The following KCNMB4 variants were observed in gnomAD, a reference collection of about 807,000 sequenced individuals.
KCNMB4 encodes the protein potassium calcium-activated channel subfamily M regulatory beta subunit 4.
In KCNMB4, 3 loss-of-function variants were observed where a neutral mutation model predicts 20.7. The observed-to-expected ratio is 0.14, with a 90% CI of 0.07 to 0.37. The LOEUF is 0.37. KCNMB4 is among the 10% of genes least tolerant of loss of function. The pLI is 1.00. For synonymous variants in KCNMB4, 110 were observed against 113.4 expected (o/e 0.97, Z 0.19); for missense variants, 168 against 265.9 (o/e 0.63, Z 2.56).
At chr12:70,414,580 A>G (rs1035794289) in intron 2 of KCNMB4, among the ~76,000 whole-genome samples, 1 of 152,208 alleles carries the variant, frequency 6.6e-6, no homozygotes, top group African/African-American at 2.4e-5. Context: ...TGGCCAGTGC[A>G]GAGGAAGGCA....
Position 70,368,589 on chromosome 12 carries a change from ATT to A in KCNMB4, c.336+1529_336+1530del, listed in dbSNP as rs559519861. ...AAAGAAATCTCAGGGTTTTAGAAAC[ATT>A]TTTTTTTTTAGAATTAAATCAATAA... On this transcript the variant is annotated intron_variant, in intron 1 of 2. Coordinates refer to ENST00000258111, the MANE Select transcript of KCNMB4 (RefSeq NM_014505.6). 2.0e-5 allele frequency among the ~76,000 whole-genome samples: 3 copies of A among 147,742 alleles called. No homozygotes were observed. The Admixed American group carries it at 2.0e-4, about 10-fold the overall frequency.
At chr12:70,402,416 G>T (rs1299559264) in intron 2 of KCNMB4, among the ~76,000 whole-genome samples, 1 of 152,088 alleles carries the variant, frequency 6.6e-6, no homozygotes, top group Non-Finnish European at 1.5e-5. Flanking sequence ...ACTGAGGCGG[G>T]AGGATCACTT....
intron 1 of KCNMB4, among the ~76,000 whole-genome samples, chr12:70,395,506 T>C (rs964562458): frequency 6.6e-6 from 1 of 152,180 alleles, no homozygotes; most frequent in African/African-American, 2.4e-5. Context: ...ATAAATCCCA[T>C]TGTGGTTGGC....
rs569362268 is a variant in KCNMB4, at chr12:70,415,288, T to A, written c.464+14952T>A. Among the ~76,000 whole-genome samples the A allele has an allele frequency of 2.0e-5, 3 of 152,302 alleles. No individual in the cohort carries two copies. The East Asian group carries it at 5.8e-4, about 29-fold the overall frequency. Reference sequence around the variant, plus strand: ...GTTCCAGAAGCCTCTTCTGTAAAACTTGGACAATATGGTCTACCTCCACAC... The same window carrying A: ...GTTCCAGAAGCCTCTTCTGTAAAACATGGACAATATGGTCTACCTCCACAC... On this transcript the variant is annotated intron_variant, in intron 2 of 2. Transcript: ENST00000258111.
At chr12:70,394,492 G>A (rs1654964) in intron 1 of KCNMB4, among the ~76,000 whole-genome samples, 86,602 of 152,050 alleles carry the variant, frequency 0.57, 26,003 homozygotes, top group African/African-American at 0.77. Context: ...GCTTTCAGAT[G>A]TGGATAAACA....
intron 1 of KCNMB4, among the ~76,000 whole-genome samples, chr12:70,376,616 C>T (rs1432607224): frequency 6.6e-6 from 1 of 151,768 alleles, no homozygotes; most frequent in African/African-American, 2.4e-5. Context: ...GCCTGTAATC[C>T]CAGCACTTTG....
intron 1 of KCNMB4, among the ~76,000 whole-genome samples, chr12:70,395,686 T>G (rs1003532753): frequency 6.6e-6 from 1 of 152,216 alleles, no homozygotes; most frequent in African/African-American, 2.4e-5. Context: ...GCCCACTCGG[T>G]TCCATGAACT....
intron 2 of KCNMB4, among the ~76,000 whole-genome samples, chr12:70,430,051 T>TA (rs1555213979): frequency 2.3e-4 from 34 of 150,678 alleles, no homozygotes; most frequent in African/African-American, 7.1e-4. Flanking sequence ...TTTTTTTTTT[T>TA]ATCTGAATTA....
chr12:70,385,360 C>T (rs949748674), intron 1 of KCNMB4, among the ~76,000 whole-genome samples: 7 of 152,178 alleles, frequency 4.6e-5, no homozygotes. Flanking sequence ...TCTACCTCCT[C>T]AATCTGTTGA....
Position 70,432,709 on chromosome 12 carries a change from T to A in KCNMB4, c.*2056T>A, listed in dbSNP as rs1166374875. On this transcript the variant is annotated 3_prime_UTR_variant, in exon 3 of 3. Transcript: ENST00000258111. ...CCAGTTTCCGGTTGCAGCATCCTTGTTGTCTTAGCAACACAGTGAACTATT... is the reference window on the plus strand; with the variant it reads ...CCAGTTTCCGGTTGCAGCATCCTTGATGTCTTAGCAACACAGTGAACTATT... 6.6e-6 allele frequency: 1 copy of A among 152,234 alleles called. No individual in the cohort carries two copies. The highest frequency in any genetic ancestry group is 2.4e-5 in the African/African-American group (1 of 41,466). 9.4% of individuals were successfully genotyped at this position (152,234 alleles called of 1,614,324 possible).
chr12:70,430,569 G>A lies in KCNMB4; in HGVS notation c.549G>A (p.Val183=), dbSNP rs773451756. The A allele has an allele frequency of 2.5e-6, 4 of 1,613,950 alleles. No individual in the cohort carries two copies. The highest frequency in any genetic ancestry group is 1.3e-5 in the African/African-American group (1 of 75,038). Residue 183 remains valine (V), a synonymous_variant, in exon 3 of 3, where the codon GTG becomes GTA. Coordinates refer to ENST00000258111, the MANE Select transcript of KCNMB4 (RefSeq NM_014505.6). ...TCTGGCCCCTGGTGACATTTGTGGT[G>A]GGCGTTCTCATTGTGGTCCTGACCA... The part of the protein sequence containing the change: ...CFLWPLVTFV[V]GVLIVVLTIC...
At chr12:70,420,816 T>C (rs915723634) in intron 2 of KCNMB4, among the ~76,000 whole-genome samples, 2 of 152,172 alleles carry the variant, frequency 1.3e-5, no homozygotes, top group East Asian at 3.9e-4. Flanking sequence ...CCCAGCACTT[T>C]GGGAGGCCGA....
intron 2 of KCNMB4, among the ~76,000 whole-genome samples, chr12:70,405,834 G>A (rs550395128): frequency 3.2e-4 from 49 of 152,246 alleles, no homozygotes; most frequent in Non-Finnish European, 5.9e-4. Context: ...AGGCTGAGGC[G>A]GGAGGATTGC....
In KCNMB4 at chr12:70,430,038, C is replaced by CTTT. The variant is rs66539156; in HGVS notation, c.465-436_465-434dup. Among the ~76,000 whole-genome samples, 153 of 147,124 alleles carry CTTT rather than the reference C, an allele frequency of 1.0e-3. 1 individual carries two copies. The highest frequency in any genetic ancestry group is 3.6e-3 in the African/African-American group (146 of 40,166). The stretch of plus-strand genomic sequence containing the variant: ...AATTCAAGCAGTGGCTTTAACTGAC[C>CTTT]TTTTTTTTTTTTTATCTGAATTAAG... On this transcript the variant is annotated intron_variant, in intron 2 of 2. Transcript: ENST00000258111.
chr12:70,399,225 C>T (rs1240573388), intron 1 of KCNMB4, among the ~76,000 whole-genome samples: 1 of 152,158 alleles, frequency 6.6e-6, no homozygotes, highest in Non-Finnish European at 1.5e-5. Context: ...AACAATGTGA[C>T]TGAAATTATA....
chr12:70,393,323 C>T (rs1868317017), intron 1 of KCNMB4, among the ~76,000 whole-genome samples: 1 of 152,106 alleles, frequency 6.6e-6, no homozygotes, highest in Non-Finnish European at 1.5e-5. Context: ...CTGCCTCAGC[C>T]TCCTAAGTAG....
At chr12:70,424,950 A>G (rs1161960384) in intron 2 of KCNMB4, among the ~76,000 whole-genome samples, 1 of 152,218 alleles carries the variant, frequency 6.6e-6, no homozygotes, top group Admixed American at 6.5e-5. Flanking sequence ...TACTCTCAGT[A>G]AGATCAGCTC....
chr12:70,383,562 T>C (rs1396231108), intron 1 of KCNMB4, among the ~76,000 whole-genome samples: 2 of 152,196 alleles, frequency 1.3e-5, no homozygotes, highest in Non-Finnish European at 2.9e-5. Context: ...TGTCCACAGT[T>C]CTGAAGTCTG....
At chr12:70,380,607 A>G (rs1565855198) in intron 1 of KCNMB4, among the ~76,000 whole-genome samples, 2 of 152,196 alleles carry the variant, frequency 1.3e-5, no homozygotes, top group South Asian at 2.1e-4. Context: ...GTGATACTGA[A>G]TAAGGATGGA....
Sources: gnomAD v4.1 joint callset for allele counts (sites outside exome capture counted in the v4.1 genomes callset) on GRCh38, gnomAD v4.1.1 for gene constraint, MANE v1.5 for transcripts, NCBI Gene and HGNC (gene_info 2026-07-23, HGNC 2026-07-21) for gene names.